Variants in PLD5 observed in about 807,000 individuals in gnomAD.
The protein encoded by PLD5 is inactive phospholipase D5.
Under a neutral mutation model 61.1 loss-of-function variants are expected in PLD5, and 36 were observed. The ratio of observed to expected loss-of-function variants is 0.59; its 90% CI spans 0.45 to 0.78. The LOEUF is 0.78. Ranked by LOEUF, PLD5 falls within the 30% of genes least tolerant of loss-of-function variation. The pLI, the probability that PLD5 is intolerant of heterozygous loss-of-function variation, is 0.00. For missense variants in PLD5, 515 were observed against 644.4 expected (o/e 0.80, Z 2.17); for synonymous variants, 243 against 242.8 (o/e 1.00, Z -0.01).
chr1:242,309,364 T>G (rs1167170411), intron 2 of PLD5, among the ~76,000 whole-genome samples: 3 of 150,852 alleles, frequency 2.0e-5, no homozygotes, highest in Non-Finnish European at 4.4e-5. Context: ...TTGGGCAATC[T>G]TGATGTAGAC....
chr1:242,093,606 G>A (rs1470082106), intron 9 of PLD5, among the ~76,000 whole-genome samples: 1 of 152,144 alleles, frequency 6.6e-6, no homozygotes, highest in Non-Finnish European at 1.5e-5. Flanking sequence ...AGCCAGGTCT[G>A]ACCCCGGGGT....
intron 2 of PLD5, among the ~76,000 whole-genome samples, chr1:242,291,461 T>C (rs937490949): frequency 2.0e-5 from 3 of 152,034 alleles, no homozygotes; most frequent in African/African-American, 4.8e-5. Context: ...AAAGAATGCA[T>C]ATTGGGTGTC....
intron 1 of PLD5, among the ~76,000 whole-genome samples, chr1:242,476,389 C>T (rs1667598639): frequency 6.6e-6 from 1 of 151,862 alleles, no homozygotes; most frequent in South Asian, 2.1e-4. Flanking sequence ...AGAAAACCCC[C>T]CCAAATGGAG....
intron 1 of PLD5, among the ~76,000 whole-genome samples, chr1:242,459,385 T>C (rs1667043859): frequency 6.6e-6 from 1 of 152,236 alleles, no homozygotes; most frequent in Non-Finnish European, 1.5e-5. Flanking sequence ...GGTTATCTAA[T>C]CTTAACCCCA....
intron 1 of PLD5, among the ~76,000 whole-genome samples, chr1:242,504,115 G>T (rs1351436297): frequency 6.6e-6 from 1 of 152,054 alleles, no homozygotes; most frequent in Non-Finnish European, 1.5e-5. Flanking sequence ...AAAAAAAAAT[G>T]TACCTACCAG....
chr1:242,138,143 C>T (rs763175710), intron 5 of PLD5, among the ~76,000 whole-genome samples: 8 of 152,180 alleles, frequency 5.3e-5, no homozygotes, highest in Non-Finnish European at 7.3e-5. Context: ...AGTTCGTAGA[C>T]TGGTATCCCA....
In PLD5 at chr1:242,264,463, C is replaced by G. The variant is rs71498860; in HGVS notation, c.607+874G>C. On this transcript the variant is annotated intron_variant, in intron 4 of 9. Transcript: ENST00000536534. Reference sequence around the variant, plus strand: ...TCTTCAGGAGGAAGGGCCGCTGGGGCTCACTTATTTGATTCCTGTTCTGTT... The same window carrying G: ...TCTTCAGGAGGAAGGGCCGCTGGGGGTCACTTATTTGATTCCTGTTCTGTT... Among the ~76,000 whole-genome samples the G allele has an allele frequency of 8.3e-3, 1,263 of 152,308 alleles. 5 individuals carry two copies. Among genetic ancestry groups the G allele is most frequent in the Non-Finnish European group, 0.013 (900 of 68,018 alleles).
Position 242,133,912 on chromosome 1 carries a change from T to C in PLD5, c.736-9247A>G, listed in dbSNP as rs920976643. Among the ~76,000 whole-genome samples, 3 of 152,246 alleles carry C rather than the reference T, an allele frequency of 2.0e-5. No individual in the cohort carries two copies. The South Asian group carries it at 6.2e-4, about 31-fold the overall frequency. On this transcript the variant is annotated intron_variant, in intron 5 of 9. Transcript: ENST00000536534. ...TCAGTTATTTCTTGCAGTACTTTAA[T>C]TTCATCATACTTTTTTAAGACAGTT...
At chr1:242,327,168 ATTTT>A (rs200020344) in intron 2 of PLD5, among the ~76,000 whole-genome samples, 1 of 147,030 alleles carries the variant, frequency 6.8e-6, no homozygotes, top group African/African-American at 2.5e-5. Flanking sequence ...CCTGGCGCTA[ATTTT>A]TTTTTTTAAT....
intron 4 of PLD5, among the ~76,000 whole-genome samples, chr1:242,226,100 T>C (rs901041956): frequency 6.6e-6 from 1 of 152,226 alleles, no homozygotes; most frequent in Admixed American, 6.5e-5. Context: ...GATCAGAAAA[T>C]ATCTTTAAAT....
chr1:242,470,267 C>G lies in PLD5; in HGVS notation c.189+53821G>C, dbSNP rs544244084. Among the ~76,000 whole-genome samples the G allele has an allele frequency of 1.1e-4, 17 of 151,336 alleles. 1 individual carries two copies. Among genetic ancestry groups the G allele is most frequent in the Admixed American group, 4.0e-4 (6 of 15,164 alleles). On this transcript the variant is annotated intron_variant, in intron 1 of 9. Transcript: ENST00000536534. ...TGAGGCAGGAGAATGGCGTGAACCC[C>G]GGAGGCGGAGCTTGCAGTGAGCCGA... is the stretch of plus-strand genomic sequence containing the variant.
intron 1 of PLD5, among the ~76,000 whole-genome samples, chr1:242,444,654 ATATT>A (rs1666427792): frequency 2.5e-3 from 1 of 406 alleles, no homozygotes; most frequent in Admixed American, 0.026. Context: ...TAAAATATAA[ATATT>A]TAATTATACT....
rs1422813996 is a variant in PLD5 at position 242,092,721 on chromosome 1, AG to A, written c.1355-2612del. 5.9e-5 allele frequency among the ~76,000 whole-genome samples: 9 copies of A among 152,096 alleles called. No homozygotes were observed. In the East Asian group the frequency reaches 1.7e-3, roughly 29 times the overall value. ...CCAAGGGCCCGCAGTCATCTGTGGG[AG>A]AAGCTGCTGGAAGAAAGCACATCTG... On this transcript the variant is annotated intron_variant, in intron 9 of 9. Transcript: ENST00000536534.
At chr1:242,245,769 A>G (rs11586322) in intron 4 of PLD5, among the ~76,000 whole-genome samples, 21,623 of 152,152 alleles carry the variant, frequency 0.14, 1,602 homozygotes, top group South Asian at 0.18. Context: ...TATTCCAAGC[A>G]CAGATTTGCT....
intron 1 of PLD5, among the ~76,000 whole-genome samples, chr1:242,403,815 T>C (rs1351336719): frequency 6.6e-6 from 1 of 152,178 alleles, no homozygotes; most frequent in African/African-American, 2.4e-5. Flanking sequence ...CTCAGTAACA[T>C]TCAATGGAAG....
chr1:242,152,517 C>T (rs572716760), intron 5 of PLD5, among the ~76,000 whole-genome samples: 2 of 152,050 alleles, frequency 1.3e-5, no homozygotes, highest in Non-Finnish European at 2.9e-5. Flanking sequence ...CCCCCTACCC[C>T]CTAACAGGCC....
At position 242,499,770 on chromosome 1, in the gene PLD5, T is replaced by G. The variant is rs1217443071; in HGVS notation, c.189+24318A>C. Among the ~76,000 whole-genome samples the G allele has an allele frequency of 2.7e-5, 4 of 150,304 alleles. No individual in the cohort carries two copies. The East Asian group carries it at 7.7e-4, about 29-fold the overall frequency. On this transcript the variant is annotated intron_variant, in intron 1 of 9. Transcript: ENST00000536534. ...ACTATTTTGTTGTGCTCATGGATTG[T>G]GCAGGCAGGAATTTGGCAGGGCCCA...
intron 5 of PLD5, among the ~76,000 whole-genome samples, chr1:242,154,523 A>G (rs1025126417): frequency 1.3e-5 from 2 of 152,136 alleles, no homozygotes; most frequent in South Asian, 4.1e-4. Context: ...TTCCGTCAAT[A>G]CCCAGTTTAT....
At chr1:242,454,508 AAAAG>A (rs1666887376) in intron 1 of PLD5, among the ~76,000 whole-genome samples, 1 of 152,188 alleles carries the variant, frequency 6.6e-6, no homozygotes, top group South Asian at 2.1e-4. Flanking sequence ...GGCACTGAGA[AAAAG>A]AAACCATCAC....
Sources: allele counts gnomAD v4.1 joint callset (sites outside exome capture counted in the v4.1 genomes callset), GRCh38; gene constraint gnomAD v4.1.1; transcripts MANE v1.5; gene names NCBI Gene and HGNC (gene_info 2026-07-23, HGNC 2026-07-21).